Variants in ZNF133 observed in about 807,000 individuals in gnomAD.
ZNF133 encodes the protein zinc finger protein 133, also known as zinc finger protein 133 (clone pHZ-13).
ZNF133 carries 26 observed loss-of-function variants against 54.9 expected under a neutral mutation model. The ratio of observed to expected loss-of-function variants is 0.47; its 90% CI spans 0.35 to 0.66. The LOEUF (loss-of-function observed/expected upper bound fraction) is 0.66, where lower values mean the gene tolerates loss of function less well. Ranked by LOEUF, ZNF133 falls within the 30% of genes least tolerant of loss-of-function variation. The pLI is 0.01. For synonymous variants in ZNF133, 298 were observed against 320.3 expected, an observed-to-expected ratio of 0.93 and a Z score of 0.74; for missense variants, 653 against 820.8, an observed-to-expected ratio of 0.80 and a Z score of 2.50.
At chr20:18,294,332 GA>G (rs2041777181) in intron 1 of ZNF133, among the ~76,000 whole-genome samples, 1 of 152,184 alleles carries the variant, frequency 6.6e-6, no homozygotes. Context: ...TGAAAGATGA[GA>G]AAAGACAGAG....
In ZNF133 at chr20:18,296,937, T is replaced by C. The variant is rs538486674; in HGVS notation, c.-431-1048T>C. On this transcript the variant is annotated intron_variant, in intron 1 of 6. Coordinates refer to ENST00000425686, the MANE Select transcript of ZNF133 (RefSeq NM_001352452.2). ...AAAACTCTGGTAGAACTCATGTTTT[T>C]TGTTTAGAGTCACTTTGGATTCCTG... 1.1e-4 allele frequency among the ~76,000 whole-genome samples: 17 copies of C among 152,342 alleles called. No homozygotes were observed. In the South Asian group the frequency reaches 1.9e-3, roughly 17 times the overall value.
At chr20:18,293,119 G>C (rs1037236446) in intron 1 of ZNF133, among the ~76,000 whole-genome samples, 1 of 152,214 alleles carries the variant, frequency 6.6e-6, no homozygotes, top group African/African-American at 2.4e-5. Context: ...CAAGGGTTCT[G>C]GTTATTGACT....
At chr20:18,313,071 T>C (rs934013189) in intron 6 of ZNF133, 1 of 152,160 alleles carries the variant, frequency 6.6e-6, no homozygotes, top group Middle Eastern at 3.2e-3. Flanking sequence ...TCAGTGCCCA[T>C]TAGTCTCTAT....
At chr20:18,308,282 C>T (rs1220997539) in intron 6 of ZNF133, among the ~76,000 whole-genome samples, 1 of 151,966 alleles carries the variant, frequency 6.6e-6, no homozygotes. Context: ...AAGAAATTTT[C>T]TCCTCTTGTT....
At chr20:18,303,023 A>T (rs1442272568) in intron 3 of ZNF133, among the ~76,000 whole-genome samples, 1 of 152,106 alleles carries the variant, frequency 6.6e-6, no homozygotes, top group Non-Finnish European at 1.5e-5. Context: ...ATGGAAAGAC[A>T]TCACATGTTT....
intron 2 of ZNF133, 106 bp downstream of exon 2, chr20:18,298,168 C>T: frequency 6.6e-7 from 1 of 1,514,924 alleles, no homozygotes; most frequent in Non-Finnish European, 8.8e-7. Flanking sequence ...TCCAATTCCT[C>T]TTACTTGCTC....
At chr20:18,312,798 T>A (rs2046383074) in intron 6 of ZNF133, 1 of 152,244 alleles carries the variant, frequency 6.6e-6, no homozygotes, top group African/African-American at 2.4e-5. Context: ...CACTGCAACC[T>A]CCGCCACGCA....
chr20:18,291,295 G>A (rs1354577354), intron 1 of ZNF133, among the ~76,000 whole-genome samples: 1 of 152,140 alleles, frequency 6.6e-6, no homozygotes, highest in Admixed American at 6.5e-5. Flanking sequence ...ATTTTAGTAA[G>A]GCTTTTTCAA....
intron 1 of ZNF133, among the ~76,000 whole-genome samples, chr20:18,293,622 T>A (rs1460080870): frequency 6.6e-6 from 1 of 152,242 alleles, no homozygotes; most frequent in African/African-American, 2.4e-5. Context: ...ACAGTGATAC[T>A]ATTGTGTTAT....
At chr20:18,293,444 G>A (rs551576192) in intron 1 of ZNF133, among the ~76,000 whole-genome samples, 28 of 152,328 alleles carry the variant, frequency 1.8e-4, no homozygotes, top group Middle Eastern at 3.4e-3. Context: ...AACTCGTTAC[G>A]TGGTACGTTA....
chr20:18,296,791 G>T (rs149144241), intron 1 of ZNF133, among the ~76,000 whole-genome samples: 1 of 152,180 alleles, frequency 6.6e-6, no homozygotes, highest in African/African-American at 2.4e-5. Context: ...GCCAGAAGTC[G>T]AATTGGTGAA....
chr20:18,291,236 T>G (rs1293570438), intron 1 of ZNF133, among the ~76,000 whole-genome samples: 1 of 152,190 alleles, frequency 6.6e-6, no homozygotes, highest in African/African-American at 2.4e-5. Flanking sequence ...CTTGAAAGAA[T>G]TATCTATGTT....
rs989024913 is a variant in ZNF133 at position 18,305,475 on chromosome 20, GC to G, written c.-6-200del. On this transcript the variant is annotated intron_variant, in intron 4 of 6. Coordinates refer to ENST00000425686, the MANE Select transcript of ZNF133 (RefSeq NM_001352452.2). This position sits in a 1 kb window ranked among gnomAD's most constrained non-coding sequence, Gnocchi z 4.7. ...ATTTTGTGCACATATACCCTGTGTG[GC>G]CCCCCAGGATCTTGACTGTATGGGT... Among the ~76,000 whole-genome samples the G allele has an allele frequency of 3.3e-5, 5 of 152,062 alleles. No individual in the cohort carries two copies. Among genetic ancestry groups the G allele is most frequent in the African/African-American group, 4.8e-5 (2 of 41,400 alleles).
rs2047469256 is a variant in ZNF133, at chr20:18,316,335, T to C, written c.1484T>C (p.Val495Ala). Reference protein sequence around the residue: ...QRTHSGEKPMVCGECGRGFSQ... With the variant: ...QRTHSGEKPMACGECGRGFSQ... ...ACGCACTCAGGCGAGAAGCCCATGGTGTGTGGGGAGTGCGGGCGAGGCTTC... is the reference window on the plus strand; with the variant it reads ...ACGCACTCAGGCGAGAAGCCCATGGCGTGTGGGGAGTGCGGGCGAGGCTTC... The change falls in exon 7 of 7, where the codon GTG (valine) becomes GCG (alanine). Residue 495 changes from valine (V) to alanine (A), a missense_variant. By Grantham distance (64) the Val-to-Ala change is moderately conservative (BLOSUM62 0). This residue lies in a region of ZNF133 where 292 missense variants were observed against 431.6 expected (regional missense o/e 0.68). Transcript: ENST00000425686. The C allele has an allele frequency of 6.2e-7, 1 of 1,613,446 alleles. No homozygotes were observed. The highest frequency in any genetic ancestry group is 1.3e-5 in the African/African-American group (1 of 74,732).
chr20:18,297,914 G>C (rs530078252), intron 1 of ZNF133, 71 bp from the exon 2 acceptor site: 1 of 1,000,082 alleles, frequency 1.0e-6, no homozygotes, highest in African/African-American at 1.6e-5. Context: ...GGGTTAAAGA[G>C]CAGGCCCTGC....
intron 5 of ZNF133, 122 bp from the exon 6 acceptor site, chr20:18,306,176 T>A: frequency 1.2e-6 from 1 of 863,188 alleles, no homozygotes; most frequent in Non-Finnish European, 1.8e-6. Flanking sequence ...AGAGCCCCAC[T>A]CACCTCTTCC....
At chr20:18,292,377 CTA>C (rs1046302715) in intron 1 of ZNF133, among the ~76,000 whole-genome samples, 2 of 152,240 alleles carry the variant, frequency 1.3e-5, no homozygotes, top group African/African-American at 4.8e-5. Context: ...CTGTACCACA[CTA>C]TCTCAGTCAC....
rs770690087 is a variant in ZNF133 at position 18,304,615 on chromosome 20, C to T, written c.-177-393C>T. Among the ~76,000 whole-genome samples, 7 of 152,172 alleles carry T rather than the reference C, an allele frequency of 4.6e-5. No individual in the cohort carries two copies. The East Asian group carries it at 5.8e-4, about 13-fold the overall frequency. On this transcript the variant is annotated intron_variant, in intron 3 of 6. Transcript: ENST00000425686. ...GGCTAAATCTCGAAGACATGCTAAG[C>T]GAAATAAGTCAGACACAAAAGGACA...
chr20:18,300,187 G>A (rs2043083110), intron 3 of ZNF133, among the ~76,000 whole-genome samples: 1 of 152,174 alleles, frequency 6.6e-6, no homozygotes, highest in Non-Finnish European at 1.5e-5. Flanking sequence ...TGTGACATCA[G>A]TAATGAGTTG....
Sources: gnomAD v4.1 joint callset for allele counts (sites outside exome capture counted in the v4.1 genomes callset) on GRCh38, gnomAD v4.1.1 for gene constraint, gnomAD v4.1.1 regional missense constraint, Gnocchi (gnomAD v3.1) non-coding constraint, MANE v1.5 for transcripts, NCBI Gene and HGNC (gene_info 2026-07-23, HGNC 2026-07-21) for gene names.